Variants in NOS1AP observed in about 807,000 individuals in gnomAD.
NOS1AP encodes the protein carboxyl-terminal PDZ ligand of neuronal nitric oxide synthase protein.
NOS1AP carries 21 observed loss-of-function variants against 56.2 expected under a neutral mutation model. That is an observed-to-expected ratio of 0.37 (90% confidence interval 0.26 to 0.54). NOS1AP has a LOEUF of 0.54. Ranked by LOEUF, NOS1AP falls within the 20% of genes least tolerant of loss-of-function variation. The probability of loss-of-function intolerance (pLI) is 0.84; values close to 1 mark genes in which losing one functional copy is unlikely to be tolerated. For synonymous variants in NOS1AP, 270 were observed against 274.6 expected (o/e 0.98, Z 0.17); for missense variants, 522 against 657.8 (o/e 0.79, Z 2.26).
At chr1:162,344,750 A>T (rs1419980917) in intron 6 of NOS1AP, among the ~76,000 whole-genome samples, 1 of 152,194 alleles carries the variant, frequency 6.6e-6, no homozygotes, top group Non-Finnish European at 1.5e-5. Flanking sequence ...ATGTGAAAAA[A>T]TGAAGTATGG....
Position 162,367,475 on chromosome 1 carries a change from G to A in NOS1AP, c.*8G>A. On this transcript the variant is annotated 3_prime_UTR_variant, in exon 10 of 10. Transcript: ENST00000361897. The surrounding 1 kb of genome is among the most constrained non-coding windows in gnomAD (Gnocchi z 6.5). ...GATGAGATCGCCGTGTAGGTGCCGAGGGCGAGGAGATGGAGGCGGCGGCGT... is the reference window on the plus strand; with the variant it reads ...GATGAGATCGCCGTGTAGGTGCCGAAGGCGAGGAGATGGAGGCGGCGGCGT... 6 of 1,547,934 alleles carry A rather than the reference G, an allele frequency of 3.9e-6. No individual in the cohort carries two copies. Among genetic ancestry groups the A allele is most frequent in the Non-Finnish European group, 5.2e-6 (6 of 1,144,550 alleles).
At chr1:162,332,535 G>T (rs1006110691) in intron 4 of NOS1AP, among the ~76,000 whole-genome samples, 1 of 152,180 alleles carries the variant, frequency 6.6e-6, no homozygotes, top group Non-Finnish European at 1.5e-5. Flanking sequence ...GGGACAGAGA[G>T]TGGGATCACT....
chr1:162,080,172 T>C (rs1691853146), intron 1 of NOS1AP, among the ~76,000 whole-genome samples: 1 of 152,198 alleles, frequency 6.6e-6, no homozygotes, highest in Non-Finnish European at 1.5e-5. Context: ...TTTACAATTT[T>C]TATATTCAGC....
At chr1:162,262,368 C>T (rs1356533748) in intron 2 of NOS1AP, among the ~76,000 whole-genome samples, 1 of 152,154 alleles carries the variant, frequency 6.6e-6, no homozygotes, top group African/African-American at 2.4e-5. Flanking sequence ...GAGCTTGATC[C>T]TAAGATCAAC....
At chr1:162,261,507 A>AGGAGAAGAGAG (rs1436674936) in intron 2 of NOS1AP, among the ~76,000 whole-genome samples, 360 of 18,416 alleles carry the variant, frequency 0.02, 123 homozygotes, top group Non-Finnish European at 0.033. Flanking sequence ...AGAGAGAGAG[A>AGGAGAAGAGAG]GAGAGAGAGA....
intron 5 of NOS1AP, among the ~76,000 whole-genome samples, chr1:162,336,510 T>C (rs1022173548): frequency 2.0e-5 from 3 of 152,228 alleles, no homozygotes; most frequent in African/African-American, 7.2e-5. Flanking sequence ...TAACTCCGAA[T>C]GGCCCAAATC....
chr1:162,354,177 TTCAG>T (rs1201055215), intron 6 of NOS1AP, among the ~76,000 whole-genome samples: 2 of 152,254 alleles, frequency 1.3e-5, no homozygotes, highest in African/African-American at 4.8e-5. Context: ...CTGGGCTAGC[TTCAG>T]CACTGGGGCA....
chr1:162,247,472 C>A (rs1653701275), intron 2 of NOS1AP, among the ~76,000 whole-genome samples: 1 of 152,090 alleles, frequency 6.6e-6, no homozygotes, highest in Non-Finnish European at 1.5e-5. Flanking sequence ...CACTGTAGGC[C>A]CCACCTGGCA....
chr1:162,147,792 GT>G (rs1262595759), intron 1 of NOS1AP, among the ~76,000 whole-genome samples: 28 of 152,096 alleles, frequency 1.8e-4, no homozygotes, highest in African/African-American at 6.8e-4. Context: ...CTTCTGTATA[GT>G]TTTTTTCTTT....
chr1:162,145,980 T>C (rs2102082082), intron 1 of NOS1AP, among the ~76,000 whole-genome samples: 1 of 152,252 alleles, frequency 6.6e-6, no homozygotes, highest in South Asian at 2.1e-4. Context: ...GCTAACTGCT[T>C]TGGGCCTCAC....
intron 4 of NOS1AP, among the ~76,000 whole-genome samples, chr1:162,302,159 C>T (rs568175958): frequency 6.6e-6 from 1 of 152,160 alleles, no homozygotes; most frequent in South Asian, 2.1e-4. Context: ...GTTTCTGTTA[C>T]TTTTTTAAAA....
chr1:162,321,729 A>ATATATATAT (rs56969327), intron 4 of NOS1AP, among the ~76,000 whole-genome samples: 3 of 127,814 alleles, frequency 2.3e-5, no homozygotes, highest in Non-Finnish European at 3.3e-5. Flanking sequence ...TAAAAAAAAA[A>ATATATATAT]AAATATATAT....
At chr1:162,139,720 T>C (rs1649152704) in intron 1 of NOS1AP, among the ~76,000 whole-genome samples, 1 of 152,212 alleles carries the variant, frequency 6.6e-6, no homozygotes, top group Admixed American at 6.5e-5. Context: ...TCCTTAAAAA[T>C]AGCTTTTGTC....
At chr1:162,247,669 C>G (rs10918974) in intron 2 of NOS1AP, among the ~76,000 whole-genome samples, 2,220 of 151,780 alleles carry the variant, frequency 0.015, 59 homozygotes, top group African/African-American at 0.051. Context: ...TGAAAACTTA[C>G]CTATGAAAAT....
intron 2 of NOS1AP, among the ~76,000 whole-genome samples, chr1:162,255,911 G>A (rs1243965255): frequency 6.6e-6 from 1 of 152,202 alleles, no homozygotes; most frequent in Non-Finnish European, 1.5e-5. Flanking sequence ...TTGGGAGGCT[G>A]AGGCAGCAGA....
intron 2 of NOS1AP, among the ~76,000 whole-genome samples, chr1:162,180,634 C>A (rs138454257): frequency 6.6e-6 from 1 of 152,292 alleles, no homozygotes; most frequent in Non-Finnish European, 1.5e-5. Flanking sequence ...ACTACAGGAG[C>A]CTCTTGGAGC....
intron 4 of NOS1AP, among the ~76,000 whole-genome samples, chr1:162,312,479 A>G (rs1311238608): frequency 1.7e-4 from 21 of 125,718 alleles, no homozygotes; most frequent in Admixed American, 4.1e-4. Flanking sequence ...GATTCTGGAT[A>G]TTAGCCCTTT....
intron 1 of NOS1AP, among the ~76,000 whole-genome samples, chr1:162,099,002 G>A (rs563432401): frequency 4.4e-4 from 67 of 152,276 alleles, no homozygotes; most frequent in African/African-American, 1.5e-3. Context: ...ATAATAGAAT[G>A]ATTTATATCT....
chr1:162,161,332 C>G (rs1297325950), intron 2 of NOS1AP, among the ~76,000 whole-genome samples: 2 of 152,184 alleles, frequency 1.3e-5, no homozygotes, highest in Non-Finnish European at 2.9e-5. Flanking sequence ...AGGCTCATAG[C>G]AGGGATTGGA....
Sources: gnomAD v4.1 joint callset for allele counts (sites outside exome capture counted in the v4.1 genomes callset) on GRCh38, gnomAD v4.1.1 for gene constraint, Gnocchi (gnomAD v3.1) non-coding constraint, MANE v1.5 for transcripts, NCBI Gene and HGNC (gene_info 2026-07-23, HGNC 2026-07-21) for gene names.